OTUD7A: variants seen among roughly 807,000 people sequenced by gnomAD.
The protein encoded by OTUD7A is OTU deubiquitinase 7A, also known as OTU domain-containing protein 7A.
A neutral mutation model predicts 65.7 loss-of-function variants in OTUD7A; 12 were observed. The observed-to-expected ratio is 0.18, with a 90% CI of 0.12 to 0.30. OTUD7A has a LOEUF of 0.30. Ranked by LOEUF, OTUD7A falls within the 10% of genes least tolerant of loss-of-function variation. The pLI is 1.00. For missense variants in OTUD7A, 1,148 were observed against 1,304.8 expected (o/e 0.88, Z 1.85); for synonymous variants, 641 against 586.3 (o/e 1.09, Z -1.35).
chr15:31,499,913 C>T (rs954972178), intron 10 of OTUD7A, among the ~76,000 whole-genome samples: 5 of 152,362 alleles, frequency 3.3e-5, no homozygotes, highest in South Asian at 2.1e-4. Context: ...CAAGCCACAG[C>T]GCCCTCCATG....
chr15:31,552,082 G>C (rs775882277), intron 5 of OTUD7A, among the ~76,000 whole-genome samples: 2 of 152,098 alleles, frequency 1.3e-5, no homozygotes, highest in Non-Finnish European at 2.9e-5. Context: ...TGTTCTATTG[G>C]TTCCCATGAG....
chr15:31,497,431 G>C (rs930292490), intron 10 of OTUD7A, among the ~76,000 whole-genome samples: 1 of 151,996 alleles, frequency 6.6e-6, no homozygotes, highest in Non-Finnish European at 1.5e-5. Flanking sequence ...TTATATTTTA[G>C]TAGAGATGGG....
intron 1 of OTUD7A, among the ~76,000 whole-genome samples, chr15:31,681,299 C>T (rs993870261): frequency 6.6e-6 from 1 of 152,026 alleles, no homozygotes; most frequent in Non-Finnish European, 1.5e-5. Flanking sequence ...CTGTCTCCAT[C>T]CATCCATCCA....
chr15:31,725,910 C>A (rs1315971190), intron 1 of OTUD7A, among the ~76,000 whole-genome samples: 1 of 152,008 alleles, frequency 6.6e-6, no homozygotes, highest in South Asian at 2.1e-4. Flanking sequence ...TTTGAGCTGC[C>A]GAGATCTGGG....
intron 1 of OTUD7A, among the ~76,000 whole-genome samples, chr15:31,741,671 C>T (rs1363667402): frequency 6.6e-6 from 1 of 151,688 alleles, no homozygotes; most frequent in Non-Finnish European, 1.5e-5. Flanking sequence ...TAGTAAGAGA[C>T]AATAAAAGCC....
Position 31,661,024 on chromosome 15 carries a change from C to G in OTUD7A, c.-99-3947G>C, listed in dbSNP as rs370999525. Among the ~76,000 whole-genome samples the G allele has an allele frequency of 7.5e-4, 115 of 152,330 alleles. 1 individual carries two copies. The highest frequency in any genetic ancestry group is 2.6e-3 in the African/African-American group (110 of 41,578). ...ATGGGCCCAATGGGAAGGAGACATG[C>G]CTTCTGTTCAGGGGCCATGACTGGG... is the stretch of plus-strand genomic sequence containing the variant. On this transcript the variant is annotated intron_variant, in intron 1 of 12. Coordinates refer to ENST00000307050, the MANE Select transcript of OTUD7A (RefSeq NM_001382637.1).
At chr15:31,828,799 T>G (rs984832483) in intron 1 of OTUD7A, among the ~76,000 whole-genome samples, 3 of 152,184 alleles carry the variant, frequency 2.0e-5, no homozygotes, top group African/African-American at 7.2e-5. Flanking sequence ...CCCTGTCCTC[T>G]GGGCAGGGAT....
At chr15:31,785,800 C>T (rs373814301) in intron 1 of OTUD7A, among the ~76,000 whole-genome samples, 44 of 152,334 alleles carry the variant, frequency 2.9e-4, no homozygotes, top group South Asian at 1.7e-3. Flanking sequence ...GCCTCAGTTT[C>T]CTCATCCACA....
chr15:31,674,488 T>A (rs1892553514), intron 1 of OTUD7A, among the ~76,000 whole-genome samples: 1 of 152,236 alleles, frequency 6.6e-6, no homozygotes, highest in East Asian at 1.9e-4. Context: ...TGTTGTCCAC[T>A]GCATACCCTT....
intron 1 of OTUD7A, among the ~76,000 whole-genome samples, chr15:31,707,856 G>T (rs1312383026): frequency 2.0e-5 from 3 of 152,118 alleles, no homozygotes; most frequent in South Asian, 4.2e-4. Flanking sequence ...CATTTATCTA[G>T]ATTTTTAAGT....
chr15:31,619,869 T>A (rs976183961), intron 3 of OTUD7A, among the ~76,000 whole-genome samples: 1 of 152,220 alleles, frequency 6.6e-6, no homozygotes, highest in Admixed American at 6.5e-5. Flanking sequence ...ATGCTTCCAG[T>A]TTTTGCCCAT....
In OTUD7A at chr15:31,647,938, A is replaced by C. The variant is rs540829143; in HGVS notation, c.151+7158T>G. On this transcript the variant is annotated intron_variant, in intron 3 of 12. Coordinates refer to ENST00000307050, the MANE Select transcript of OTUD7A (RefSeq NM_001382637.1). ...AGGCAGAAGCACAGAGGTGGGTGTC[A>C]AGTCAGGGAAAGGGATGGTGAAGAG... Among the ~76,000 whole-genome samples, 60 of 151,978 alleles carry C rather than the reference A, an allele frequency of 3.9e-4. No individual in the cohort carries two copies. In the East Asian group the frequency reaches 6.2e-3, roughly 16 times the overall value.
rs150165126 is a variant in OTUD7A at position 31,495,944 on chromosome 15, T to C, written c.1171+5746A>G. On this transcript the variant is annotated intron_variant, in intron 10 of 12. Coordinates refer to ENST00000307050, the MANE Select transcript of OTUD7A (RefSeq NM_001382637.1). Reference sequence around the variant, plus strand: ...TAGCTGGGCTTGTGGCATGTGCCTGTAGTCCCACCTACTCGGGAGGCTGAG... The same window carrying C: ...TAGCTGGGCTTGTGGCATGTGCCTGCAGTCCCACCTACTCGGGAGGCTGAG... Among the ~76,000 whole-genome samples, 456 of 151,834 alleles carry C rather than the reference T, an allele frequency of 3.0e-3. 3 individuals carry two copies. The highest frequency in any genetic ancestry group is 0.011 in the African/African-American group (439 of 41,386).
rs537519970 is a variant in OTUD7A at position 31,870,202 on chromosome 15, C to T, written c.-100+305G>A. Among the ~76,000 whole-genome samples the T allele has an allele frequency of 3.4e-3, 515 of 149,666 alleles. 4 individuals carry two copies. The highest frequency in any genetic ancestry group is 0.017 in the Middle Eastern group (5 of 292). ...GCTGAGCGGAGGCAGCAGCCCCGAC[C>T]CAGCGGTAGCGCCGCGCCCTGCCCG... On this transcript the variant is annotated intron_variant, in intron 1 of 12. Transcript: ENST00000307050.
At chr15:31,543,768 T>C (rs1407489968) in intron 5 of OTUD7A, among the ~76,000 whole-genome samples, 2 of 151,820 alleles carry the variant, frequency 1.3e-5, no homozygotes, top group Non-Finnish European at 3.0e-5. Context: ...TCCATAGGAA[T>C]AAAAGGAGAT....
intron 3 of OTUD7A, among the ~76,000 whole-genome samples, chr15:31,635,513 C>A (rs1891313096): frequency 6.6e-6 from 1 of 152,216 alleles, no homozygotes; most frequent in Non-Finnish European, 1.5e-5. Context: ...GGGCAGAGAG[C>A]CCCGACACTG....
chr15:31,702,708 TG>T (rs1397662897), intron 1 of OTUD7A, among the ~76,000 whole-genome samples: 1 of 152,038 alleles, frequency 6.6e-6, no homozygotes, highest in African/African-American at 2.4e-5. Context: ...AGACAATTCC[TG>T]TCAAAATTCA....
chr15:31,698,419 C>T (rs1359836835), intron 1 of OTUD7A, among the ~76,000 whole-genome samples: 2 of 152,202 alleles, frequency 1.3e-5, no homozygotes, highest in Non-Finnish European at 2.9e-5. Flanking sequence ...ACTGACAAGC[C>T]TGAACAGTGG....
At chr15:31,864,440 C>A (rs1438528100) in intron 1 of OTUD7A, among the ~76,000 whole-genome samples, 3 of 152,124 alleles carry the variant, frequency 2.0e-5, no homozygotes, top group Non-Finnish European at 4.4e-5. Context: ...AGAATTACGG[C>A]AGGGAGCGAA....
Sources: allele counts gnomAD v4.1 joint callset (sites outside exome capture counted in the v4.1 genomes callset), GRCh38; gene constraint gnomAD v4.1.1; transcripts MANE v1.5; gene names NCBI Gene and HGNC (gene_info 2026-07-23, HGNC 2026-07-21).